The following PAQR3 variants were observed in gnomAD, a reference collection of about 807,000 sequenced individuals.
PAQR3 encodes Raf kinase trapping to Golgi.
A neutral mutation model predicts 41.7 loss-of-function variants in PAQR3; 39 were observed. The observed-to-expected ratio is 0.93, with a 90% CI of 0.72 to 1.22. The LOEUF (loss-of-function observed/expected upper bound fraction) is 1.22, where lower values mean the gene tolerates loss of function less well. PAQR3 is among the 50% of genes most tolerant of loss of function. PAQR3 has a pLI of 0.00. For missense variants in PAQR3, 366 were observed against 385.6 expected (o/e 0.95, Z 0.42); for synonymous variants, 140 against 140.6 (o/e 1.00, Z 0.03).
chr4:78,933,204 A>G, intron 2 of PAQR3: 1 of 456,252 alleles, frequency 2.2e-6, no homozygotes, highest in Non-Finnish European at 4.4e-6. Flanking sequence ...TCTGTTCAGC[A>G]CTGTTTTACC....
downstream of PAQR3, chr4:78,910,651 G>C: frequency 6.4e-7 from 1 of 1,563,530 alleles, no homozygotes; most frequent in Non-Finnish European, 8.6e-7. Context: ...TATAAATCAA[G>C]AAAATGGCAC....
At chr4:78,923,583 G>T in intron 5 of PAQR3, 1 of 428,718 alleles carries the variant, frequency 2.3e-6, no homozygotes, top group East Asian at 4.4e-5. Flanking sequence ...AATAGTGCTT[G>T]GGAGTCAGAA....
At chr4:78,900,132 A>C (rs1173559899) in intron 11 of PAQR3, among the ~76,000 whole-genome samples, 1 of 152,206 alleles carries the variant, frequency 6.6e-6, no homozygotes, top group East Asian at 1.9e-4. Context: ...CAGCCTACTC[A>C]ATGTGAAGAC....
intron 12 of PAQR3, among the ~76,000 whole-genome samples, chr4:78,887,813 T>C (rs1435483277): frequency 6.6e-6 from 1 of 152,194 alleles, no homozygotes; most frequent in Non-Finnish European, 1.5e-5. Flanking sequence ...TAGGATGGAA[T>C]AGGATCGTGC....
chr4:78,932,347 C>G (rs557248971), intron 2 of PAQR3, among the ~76,000 whole-genome samples: 2 of 152,144 alleles, frequency 1.3e-5, no homozygotes, highest in South Asian at 2.1e-4. Flanking sequence ...AGATTAAGCA[C>G]CATAAATCAG....
intron 2 of PAQR3, among the ~76,000 whole-genome samples, chr4:78,931,027 C>T (rs62308011): frequency 0.063 from 9,477 of 151,254 alleles, 393 homozygotes; most frequent in East Asian, 0.22. Flanking sequence ...CTTTTAATTT[C>T]TAAGGTAAAC....
intron 11 of PAQR3, among the ~76,000 whole-genome samples, chr4:78,903,999 A>G (rs1050147949): frequency 6.6e-6 from 1 of 152,110 alleles, no homozygotes; most frequent in Middle Eastern, 3.4e-3. Flanking sequence ...TTTCTTACGT[A>G]TAAAAAGATG....
chr4:78,906,350 A>G (rs1358440613), intron 10 of PAQR3, among the ~76,000 whole-genome samples: 1 of 152,132 alleles, frequency 6.6e-6, no homozygotes, highest in Non-Finnish European at 1.5e-5. Flanking sequence ...TTGTTATTTT[A>G]GTTTTATGTA....
At chr4:78,893,025 T>A (rs1733524381) in intron 11 of PAQR3, among the ~76,000 whole-genome samples, 1 of 152,216 alleles carries the variant, frequency 6.6e-6, no homozygotes, top group African/African-American at 2.4e-5. Context: ...ATGAAAGACT[T>A]CTCTGTACAT....
downstream of PAQR3, among the ~76,000 whole-genome samples, chr4:78,910,451 C>T (rs1734525680): frequency 6.6e-6 from 1 of 152,178 alleles, no homozygotes; most frequent in African/African-American, 2.4e-5. Flanking sequence ...CAAATGCATT[C>T]TCTAAGTCTA....
downstream of PAQR3, chr4:78,911,159 C>A: frequency 6.2e-7 from 1 of 1,613,806 alleles, no homozygotes; most frequent in South Asian, 1.1e-5. Flanking sequence ...GCTCAACAGC[C>A]CCAGCAAGAA....
At chr4:78,933,182 T>C (rs1270652509) in intron 2 of PAQR3, 78 of 456,144 alleles carry the variant, frequency 1.7e-4, no homozygotes, top group Admixed American at 1.7e-3. Flanking sequence ...TTGACCTTTA[T>C]ACCAGGTTGG....
intron 2 of PAQR3, among the ~76,000 whole-genome samples, chr4:78,933,732 T>C (rs191986421): frequency 5.3e-4 from 80 of 152,324 alleles, no homozygotes; most frequent in African/African-American, 1.8e-3. Flanking sequence ...TGTTTCTTTA[T>C]TGGAAATTGT....
downstream of PAQR3, chr4:78,910,700 C>T (rs1332128620): frequency 6.2e-7 from 1 of 1,612,412 alleles, no homozygotes. Context: ...AGTCCAGCAT[C>T]TAAAGATCAG....
chr4:78,922,862 G>T (rs542827684), intron 5 of PAQR3: 2 of 454,726 alleles, frequency 4.4e-6, no homozygotes, highest in South Asian at 3.1e-5. Context: ...GTTGATGTGG[G>T]TCTTGAACCC....
chr4:78,935,169 C>G lies in PAQR3; in HGVS notation c.300G>C (p.Ala100=), dbSNP rs190190715. ...AACAAATTACAAAATCTTCTCTGGA[C>G]GCACTTGCTGAAGGTAACACAGATG... The part of the protein sequence containing the change: ...DMTSVLPSAS[A]SREDFVICSI... The change falls in exon 2 of 6, where the codon GCG becomes GCC. Residue 100 remains alanine (A), a synonymous_variant. Coordinates refer to ENST00000512733, the MANE Select transcript of PAQR3 (RefSeq NM_001040202.2). The G allele has an allele frequency of 1.2e-6, 2 of 1,613,632 alleles. No homozygotes were observed. Among genetic ancestry groups the G allele is most frequent in the Non-Finnish European group, 8.5e-7 (1 of 1,179,822 alleles).
At chr4:78,897,165 T>A (rs1282245248) in intron 11 of PAQR3, among the ~76,000 whole-genome samples, 2 of 151,658 alleles carry the variant, frequency 1.3e-5, no homozygotes, top group Non-Finnish European at 2.9e-5. Flanking sequence ...AAAACTTTTT[T>A]TTGAGAGCAG....
chr4:78,928,282 TC>T (rs1284114598), intron 3 of PAQR3, among the ~76,000 whole-genome samples: 8 of 152,190 alleles, frequency 5.3e-5, no homozygotes, highest in Non-Finnish European at 8.8e-5. Context: ...ATAAACAGTT[TC>T]ATGCAAAATG....
intron 11 of PAQR3, among the ~76,000 whole-genome samples, chr4:78,899,685 A>G (rs1414321251): frequency 6.6e-6 from 1 of 151,842 alleles, no homozygotes; most frequent in African/African-American, 2.4e-5. Flanking sequence ...AGGATTGAGC[A>G]TATCTTTTGA....
Sources: gnomAD v4.1 joint callset for allele counts (sites outside exome capture counted in the v4.1 genomes callset) on GRCh38, gnomAD v4.1.1 for gene constraint, MANE v1.5 for transcripts, NCBI Gene and HGNC (gene_info 2026-07-23, HGNC 2026-07-21) for gene names.